The following AHI1 variants were observed in gnomAD, a reference collection of about 807,000 sequenced individuals.
AHI1 encodes Abelson helper integration site 1, also known as jouberin.
Under a neutral mutation model 149.3 loss-of-function variants are expected in AHI1, and 123 were observed. That is an observed-to-expected ratio of 0.82 (90% CI 0.71 to 0.96). The LOEUF is 0.96. Ranked by LOEUF, AHI1 falls within the 40% of genes least tolerant of loss-of-function variation. The pLI is 0.00. For missense variants in AHI1, 1,439 were observed against 1,422.7 expected (o/e 1.01, Z -0.18); for synonymous variants, 475 against 459.8 (o/e 1.03, Z -0.42).
At chr6:135,351,125 A>C (rs1792031889) in intron 24 of AHI1, among the ~76,000 whole-genome samples, 1 of 147,776 alleles carries the variant, frequency 6.8e-6, no homozygotes, top group Non-Finnish European at 1.5e-5. Flanking sequence ...TACATAAATA[A>C]AACAAAAAAC....
Position 135,300,434 on chromosome 6 carries a change from G to A in AHI1, c.3485+66C>T, listed in dbSNP as rs1050064174. ...TAATGTTATAAAAATAAGAAATGGA[G>A]AAATTATCCTTAAAAGAAAACCCCA... On this transcript the variant is annotated intron_variant, in intron 27 of 28. Coordinates refer to ENST00000265602, the MANE Select transcript of AHI1 (RefSeq NM_001134831.2). The A allele has an allele frequency of 1.2e-5, 17 of 1,403,268 alleles. No individual in the cohort carries two copies. The African/African-American group carries it at 2.1e-4, about 17-fold the overall frequency. 86.9% of individuals were successfully genotyped at this position (1,403,268 alleles called of 1,614,324 possible). A position where few individuals can be genotyped will look rare whatever the true frequency, so the allele number is the denominator to read the frequency against.
chr6:135,467,411 G>C (rs903699116), intron 6 of AHI1, among the ~76,000 whole-genome samples, 170 bp downstream of exon 6: 7 of 152,124 alleles, frequency 4.6e-5, no homozygotes, highest in Non-Finnish European at 1.0e-4. Context: ...ACTGGAGCAA[G>C]AAAACCCAAC....
At chr6:135,364,830 G>A (rs956795796) in intron 23 of AHI1, among the ~76,000 whole-genome samples, 3 of 152,224 alleles carry the variant, frequency 2.0e-5, no homozygotes, top group Admixed American at 6.5e-5. Flanking sequence ...GCAGTAGGCC[G>A]AGATGGCAGC....
chr6:135,480,400 G>A (rs767537810), intron 5 of AHI1, among the ~76,000 whole-genome samples: 8 of 152,094 alleles, frequency 5.3e-5, no homozygotes, highest in Non-Finnish European at 1.2e-4. Flanking sequence ...GAAGGCTGCA[G>A]TGAGCTGTGC....
At chr6:135,452,199 G>C (rs1302079934) in intron 11 of AHI1, among the ~76,000 whole-genome samples, 2 of 152,136 alleles carry the variant, frequency 1.3e-5, no homozygotes, top group East Asian at 3.8e-4. Flanking sequence ...ACTGAATTTA[G>C]CAGACTGTCT....
At chr6:135,483,396 CAAAACA>C (rs1335639480) in intron 5 of AHI1, among the ~76,000 whole-genome samples, 1 of 151,856 alleles carries the variant, frequency 6.6e-6, no homozygotes, top group Non-Finnish European at 1.5e-5. Flanking sequence ...ATTCACTGCA[CAAAACA>C]AAAAGTTTGA....
intron 15 of AHI1, among the ~76,000 whole-genome samples, chr6:135,434,882 AGCCTCTCTG>A (rs2128028299): frequency 6.6e-6 from 1 of 152,294 alleles, no homozygotes. Flanking sequence ...CATATGGAAA[AGCCTCTCTG>A]ACTGTATTAG....
chr6:135,289,183 G>A (rs1347015528), intron 28 of AHI1, among the ~76,000 whole-genome samples: 2 of 150,936 alleles, frequency 1.3e-5, no homozygotes, highest in African/African-American at 2.5e-5. Context: ...GCTCCTCTTA[G>A]AGCTTTTTAT....
intron 23 of AHI1, among the ~76,000 whole-genome samples, chr6:135,384,039 C>T (rs925104267): frequency 5.9e-5 from 9 of 152,072 alleles, no homozygotes; most frequent in Admixed American, 1.3e-4. Context: ...AATTATGTTC[C>T]GATAAAGTAG....
intron 9 of AHI1, among the ~76,000 whole-genome samples, chr6:135,456,272 G>A (rs576014335): frequency 5.3e-5 from 8 of 152,288 alleles, no homozygotes; most frequent in African/African-American, 1.4e-4. Context: ...CAGGCACAGC[G>A]GCTCAAGCCT....
intron 22 of AHI1, among the ~76,000 whole-genome samples, chr6:135,396,304 C>A (rs956463582): frequency 1.3e-5 from 2 of 151,678 alleles, no homozygotes; most frequent in African/African-American, 4.8e-5. Flanking sequence ...ATACCTAAAA[C>A]AACAAACTCA....
intron 24 of AHI1, among the ~76,000 whole-genome samples, chr6:135,345,303 G>A (rs1791029428): frequency 6.6e-6 from 1 of 152,154 alleles, no homozygotes; most frequent in Admixed American, 6.5e-5. Context: ...ATATGATGCG[G>A]CAATTCTACT....
chr6:135,367,331 T>C (rs1385750967), intron 23 of AHI1, among the ~76,000 whole-genome samples: 1 of 152,148 alleles, frequency 6.6e-6, no homozygotes, highest in Non-Finnish European at 1.5e-5. Context: ...CCTGATGATG[T>C]GACTAGGTGA....
intron 21 of AHI1, among the ~76,000 whole-genome samples, chr6:135,409,660 G>A (rs892267518): frequency 6.6e-6 from 1 of 152,094 alleles, no homozygotes; most frequent in Non-Finnish European, 1.5e-5. Context: ...GGAGAAGTTC[G>A]AAGGTAGCTT....
chr6:135,422,955 C>T (rs575683019), intron 20 of AHI1, among the ~76,000 whole-genome samples: 3 of 152,126 alleles, frequency 2.0e-5, no homozygotes, highest in East Asian at 3.9e-4. Flanking sequence ...AATGCAAAGA[C>T]TAAATAAGTG....
chr6:135,346,233 T>C (rs140611704), intron 24 of AHI1, among the ~76,000 whole-genome samples: 2,670 of 152,252 alleles, frequency 0.018, 76 homozygotes, highest in African/African-American at 0.061. Flanking sequence ...CTCACTTTGT[T>C]GCCCAGGCTG....
rs2128009137 is a variant in AHI1, at chr6:135,428,622, C to T, written c.2623+7G>A. ...CAAATGATTTTTAAAGTTCAATAAA[C>T]ATTCACCTGTTTCTGGGTTCCAAAC... is the stretch of plus-strand genomic sequence containing the variant. On this transcript the variant is annotated splice_region_variant and intron_variant, in intron 19 of 28. Transcript: ENST00000265602. 6.3e-7 allele frequency: 1 copy of T among 1,595,460 alleles called. No individual in the cohort carries two copies.
At chr6:135,391,475 C>T (rs554432875) in intron 23 of AHI1, among the ~76,000 whole-genome samples, 6 of 152,254 alleles carry the variant, frequency 3.9e-5, no homozygotes, top group South Asian at 2.1e-4. Flanking sequence ...TGACAGGAGG[C>T]GGAGTTCATA....
At position 135,387,753 on chromosome 6, in the gene AHI1, A is replaced by G. The variant is rs942426568; in HGVS notation, c.3109+7023T>C. On this transcript the variant is annotated intron_variant, in intron 23 of 28. Transcript: ENST00000265602. The stretch of plus-strand genomic sequence containing the variant: ...CAATAAAACAAACTGTATAATTTCA[A>G]ACTAAAAAAAAAAATCAAAAAAGCC... 8.3e-6 allele frequency: 10 copies of G among 1,198,978 alleles called. No individual in the cohort carries two copies. The African/African-American group carries it at 1.1e-4, about 13-fold the overall frequency. 74.3% of individuals were successfully genotyped at this position (1,198,978 alleles called of 1,614,324 possible). A position where few individuals can be genotyped will look rare whatever the true frequency, so the allele number is the denominator to read the frequency against.
Sources: gnomAD v4.1 joint callset for allele counts (sites outside exome capture counted in the v4.1 genomes callset) on GRCh38, gnomAD v4.1.1 for gene constraint, MANE v1.5 for transcripts, NCBI Gene and HGNC (gene_info 2026-07-23, HGNC 2026-07-21) for gene names.